The following PRPF4 variants were observed in gnomAD, a reference collection of about 807,000 sequenced individuals.
PRPF4 encodes U4/U6 small nuclear ribonucleoprotein Prp4.
In PRPF4, 14 loss-of-function variants were observed where a neutral mutation model predicts 72.2. The ratio of observed to expected loss-of-function variants is 0.19; its 90% CI spans 0.13 to 0.30. The LOEUF is 0.30. PRPF4 is among the 10% of genes least tolerant of loss of function. PRPF4 has a pLI of 1.00. For missense variants in PRPF4, 478 were observed against 653.9 expected (o/e 0.73, Z 2.93); for synonymous variants, 225 against 232.2 (o/e 0.97, Z 0.28).
chr9:113,279,727 C>T (rs901247650), intron 3 of PRPF4, among the ~76,000 whole-genome samples: 2 of 152,076 alleles, frequency 1.3e-5, no homozygotes, highest in East Asian at 1.9e-4. Flanking sequence ...TGCTAACATG[C>T]TCCCTTGCCT....
intron 10 of PRPF4, among the ~76,000 whole-genome samples, chr9:113,289,476 T>A (rs1832545060): frequency 6.6e-6 from 1 of 152,220 alleles, no homozygotes; most frequent in African/African-American, 2.4e-5. Flanking sequence ...CCTGTTAACA[T>A]TTGGTGTTGT....
At chr9:113,284,524 A>T in intron 7 of PRPF4, 135 bp downstream of exon 7, 1 of 728,438 alleles carries the variant, frequency 1.4e-6, no homozygotes, top group Non-Finnish European at 2.3e-6. Flanking sequence ...TACAGATGTC[A>T]GTCAGTGCTC....
At chr9:113,281,523 T>C (rs548317611) in intron 3 of PRPF4, among the ~76,000 whole-genome samples, 1 of 152,318 alleles carries the variant, frequency 6.6e-6, no homozygotes, top group South Asian at 2.1e-4. Flanking sequence ...GTTTCAGGGA[T>C]CTTTCTCATC....
intron 7 of PRPF4, 97 bp from the exon 8 acceptor site, chr9:113,286,135 T>C: frequency 7.5e-7 from 1 of 1,338,020 alleles, no homozygotes; most frequent in Admixed American, 1.8e-5. Context: ...TAAAGTTTAT[T>C]GGGGGTGAGA....
intron 2 of PRPF4, among the ~76,000 whole-genome samples, chr9:113,276,972 G>T (rs151163492): frequency 6.6e-6 from 1 of 151,484 alleles, no homozygotes; most frequent in Non-Finnish European, 1.5e-5. Context: ...ACACCACCAC[G>T]CCCGGCTAAT....
chr9:113,282,774 A>C, intron 4 of PRPF4, 41 bp downstream of exon 4: 1 of 1,459,182 alleles, frequency 6.9e-7, no homozygotes, highest in Admixed American at 1.9e-5. Context: ...ACATGAAGGA[A>C]ATGAGGGGAT....
intron 3 of PRPF4, among the ~76,000 whole-genome samples, chr9:113,280,719 CCCTT>C (rs1174763309): frequency 1.3e-5 from 2 of 152,232 alleles, no homozygotes; most frequent in African/African-American, 2.4e-5. Context: ...ACTCATGTCT[CCCTT>C]CCCCAATTTA....
intron 4 of PRPF4, 145 bp downstream of exon 4, chr9:113,282,878 A>G (rs749642630): frequency 1.0e-6 from 1 of 978,536 alleles, no homozygotes; most frequent in Non-Finnish European, 1.5e-6. Context: ...AGTTGCTGGC[A>G]GTAGTTTTGG....
chr9:113,283,867 A>AG (rs911793539), intron 6 of PRPF4, among the ~76,000 whole-genome samples: 2 of 152,066 alleles, frequency 1.3e-5, no homozygotes, highest in Non-Finnish European at 2.9e-5. Context: ...CAGGAGTTTG[A>AG]GACCAGCCTG....
intron 10 of PRPF4, among the ~76,000 whole-genome samples, chr9:113,290,029 G>A (rs797010605): frequency 1.4e-4 from 22 of 152,218 alleles, no homozygotes; most frequent in African/African-American, 4.8e-4. Flanking sequence ...AGACCAGCCT[G>A]GCCAACATAG....
At chr9:113,284,101 G>C (rs953193422) in intron 6 of PRPF4, among the ~76,000 whole-genome samples, 194 bp from the exon 7 acceptor site, 5 of 149,110 alleles carry the variant, frequency 3.4e-5, no homozygotes, top group African/African-American at 1.2e-4. Context: ...ATAGAAAACA[G>C]CATGCTGGAG....
At chr9:113,287,934 T>C (rs890893034) in intron 9 of PRPF4, among the ~76,000 whole-genome samples, 17 of 152,244 alleles carry the variant, frequency 1.1e-4, no homozygotes, top group Non-Finnish European at 1.0e-4. Context: ...AATCCACTTG[T>C]ACCAAAACTA....
At chr9:113,288,071 A>T in intron 9 of PRPF4, 104 bp from the exon 10 acceptor site, 1 of 1,009,894 alleles carries the variant, frequency 9.9e-7, no homozygotes, top group Non-Finnish European at 1.5e-6. Flanking sequence ...GTTACAATTT[A>T]GCCTCTCGTG....
At chr9:113,288,065 C>A (rs1832501756) in intron 9 of PRPF4, 110 bp from the exon 10 acceptor site, 7 of 962,462 alleles carry the variant, frequency 7.3e-6, no homozygotes, top group African/African-American at 1.7e-5. Flanking sequence ...AGTGTAGTTA[C>A]AATTTAGCCT....
At chr9:113,290,640 C>G in intron 11 of PRPF4, 52 bp downstream of exon 11, 1 of 1,614,098 alleles carries the variant, frequency 6.2e-7, no homozygotes, top group South Asian at 1.1e-5. Context: ...CACCTCTTAC[C>G]TATACCTGCT....
chr9:113,291,290 A>G (rs1832601148), intron 13 of PRPF4, among the ~76,000 whole-genome samples, 177 bp from the exon 14 acceptor site: 1 of 152,152 alleles, frequency 6.6e-6, no homozygotes, highest in South Asian at 2.1e-4. Context: ...CCTTAATATT[A>G]TTCTGAATAG....
intron 7 of PRPF4, 170 bp from the exon 8 acceptor site, chr9:113,286,062 G>A (rs1832441016): frequency 4.8e-6 from 1 of 208,468 alleles, no homozygotes; most frequent in Non-Finnish European, 8.4e-6. Context: ...GTGTGGGCTG[G>A]AGGTAGCTTT....
chr9:113,286,586 C>G (rs2118630681), intron 8 of PRPF4, 119 bp from the exon 9 acceptor site: 1 of 1,275,730 alleles, frequency 7.8e-7, no homozygotes, highest in Non-Finnish European at 1.1e-6. Flanking sequence ...TAAAATAGTT[C>G]ATGTTTTAAT....
At chr9:113,283,533 T>C (rs145762013) in intron 6 of PRPF4, 51 bp downstream of exon 6, 2 of 1,598,254 alleles carry the variant, frequency 1.3e-6, no homozygotes, top group East Asian at 2.2e-5. Context: ...TTCATGTTTA[T>C]TTGATTTTTC....
Sources: gnomAD v4.1 joint callset for allele counts (sites outside exome capture counted in the v4.1 genomes callset) on GRCh38, gnomAD v4.1.1 for gene constraint, MANE v1.5 for transcripts, NCBI Gene and HGNC (gene_info 2026-07-23, HGNC 2026-07-21) for gene names.